The following PTPRD variants were observed in gnomAD, a reference collection of about 807,000 sequenced individuals.
PTPRD encodes receptor-type tyrosine-protein phosphatase delta.
In PTPRD, 34 loss-of-function variants were observed where a neutral mutation model predicts 214.5. The observed-to-expected ratio is 0.16, with a 90% CI of 0.12 to 0.21. PTPRD has a LOEUF of 0.21. Among genes scored for constraint, PTPRD ranks in the 10% least tolerant of loss-of-function variants. The probability of loss-of-function intolerance (pLI) is 1.00; values close to 1 mark genes in which losing one functional copy is unlikely to be tolerated. For missense variants in PTPRD, 2,545 were observed against 2,398.7 expected (o/e 1.06, Z -1.27); for synonymous variants, 1,128 against 845.7 (o/e 1.33, Z -5.79).
chr9:10,153,815 T>C (rs1260141189), intron 3 of PTPRD, among the ~76,000 whole-genome samples: 1 of 152,120 alleles, frequency 6.6e-6, no homozygotes, highest in Non-Finnish European at 1.5e-5. Flanking sequence ...TGACATGATC[T>C]TGTTCTTTTT....
At chr9:10,088,110 A>G (rs183403417) in intron 3 of PTPRD, among the ~76,000 whole-genome samples, 1 of 151,908 alleles carries the variant, frequency 6.6e-6, no homozygotes, top group Admixed American at 6.6e-5. Flanking sequence ...TTTATTGTCT[A>G]GTTTGTAGTA....
intron 7 of PTPRD, among the ~76,000 whole-genome samples, chr9:9,593,354 T>A (rs1159796491): frequency 2.0e-5 from 3 of 151,774 alleles, no homozygotes; most frequent in Non-Finnish European, 2.9e-5. Context: ...AATACAAATA[T>A]TTGTATGTAC....
At chr9:8,928,436 C>G (rs2154278083) in intron 11 of PTPRD, among the ~76,000 whole-genome samples, 1 of 152,226 alleles carries the variant, frequency 6.6e-6, no homozygotes, top group Admixed American at 6.5e-5. Flanking sequence ...GCCAGTTTTC[C>G]CAACACCATT....
At chr9:9,541,944 G>C (rs1004106006) in intron 8 of PTPRD, among the ~76,000 whole-genome samples, 15 of 151,700 alleles carry the variant, frequency 9.9e-5, no homozygotes, top group African/African-American at 3.4e-4. Context: ...AGAGAAAGAA[G>C]TTAGCAGAAT....
chr9:8,816,096 A>T (rs2096913430), intron 11 of PTPRD, among the ~76,000 whole-genome samples: 1 of 152,192 alleles, frequency 6.6e-6, no homozygotes, highest in South Asian at 2.1e-4. Context: ...ACCCCTGCTG[A>T]TCTGTTTACT....
At chr9:9,359,636 G>A (rs981733214) in intron 9 of PTPRD, among the ~76,000 whole-genome samples, 5 of 151,222 alleles carry the variant, frequency 3.3e-5, no homozygotes, top group African/African-American at 1.2e-4. Context: ...ATGAAATCCT[G>A]AGCCCTGTCT....
intron 2 of PTPRD, among the ~76,000 whole-genome samples, chr9:10,466,623 C>CAAAAAAAAAAAAAAA (rs66705572): frequency 1.3e-5 from 1 of 76,874 alleles, no homozygotes; most frequent in African/African-American, 5.8e-5. Flanking sequence ...AACTCCAACT[C>CAAAAAAAAAAAAAAA]AAAAAAAAAA....
rs897155869 is a variant in PTPRD, at chr9:9,662,463, A to G, written c.-287+72070T>C. Among the ~76,000 whole-genome samples, 3 of 151,692 alleles carry G rather than the reference A, an allele frequency of 2.0e-5. 1 individual carries two copies. Among genetic ancestry groups the G allele is most frequent in the Admixed American group, 2.0e-4 (3 of 15,200 alleles). On this transcript the variant is annotated intron_variant, in intron 7 of 45. Transcript: ENST00000381196. ...ACATTTGTGCCATAAATAAGCAATA[A>G]TGTATAGAGAAAACCATCAGCAAGG...
intron 3 of PTPRD, among the ~76,000 whole-genome samples, chr9:10,174,148 G>C (rs1295477005): frequency 2.0e-5 from 3 of 152,212 alleles, no homozygotes; most frequent in African/African-American, 4.8e-5. Context: ...TTGAATTTTT[G>C]GTTATTGCTA....
At chr9:8,666,427 A>G (rs2097171857) in intron 12 of PTPRD, among the ~76,000 whole-genome samples, 1 of 152,232 alleles carries the variant, frequency 6.6e-6, no homozygotes, top group Non-Finnish European at 1.5e-5. Context: ...GAAAGGGAAA[A>G]AAAGAGAAGA....
chr9:9,686,365 C>T (rs1423804663), intron 7 of PTPRD, among the ~76,000 whole-genome samples: 3 of 151,276 alleles, frequency 2.0e-5, no homozygotes, highest in East Asian at 3.9e-4. Flanking sequence ...TTCAATTACG[C>T]ACTTCAACAA....
chr9:10,534,151 T>C (rs1040916642), intron 2 of PTPRD, among the ~76,000 whole-genome samples: 2 of 151,952 alleles, frequency 1.3e-5, no homozygotes, highest in Non-Finnish European at 2.9e-5. Flanking sequence ...AAGGATTATA[T>C]CAGCATTGTA....
At chr9:10,170,321 A>G (rs969274207) in intron 3 of PTPRD, among the ~76,000 whole-genome samples, 5 of 152,166 alleles carry the variant, frequency 3.3e-5, no homozygotes, top group Admixed American at 3.3e-4. Context: ...TATTTTACTG[A>G]GAAAGCTTTT....
chr9:10,043,957 T>G (rs985190538), intron 3 of PTPRD, among the ~76,000 whole-genome samples: 3 of 151,928 alleles, frequency 2.0e-5, no homozygotes, highest in Admixed American at 6.6e-5. Context: ...TGGCTATTTT[T>G]TATTATTTGT....
chr9:10,166,733 G>C (rs1051314730), intron 3 of PTPRD, among the ~76,000 whole-genome samples: 64 of 152,124 alleles, frequency 4.2e-4, no homozygotes, highest in African/African-American at 1.5e-3. Context: ...TTTCAAGAAA[G>C]TCAGGATACT....
At chr9:9,600,819 G>A (rs1338742873) in intron 7 of PTPRD, among the ~76,000 whole-genome samples, 1 of 152,020 alleles carries the variant, frequency 6.6e-6, no homozygotes, top group East Asian at 1.9e-4. Flanking sequence ...AATGTTACTG[G>A]TCTGGCTTCT....
At chr9:9,580,401 T>A (rs1283357297) in intron 7 of PTPRD, among the ~76,000 whole-genome samples, 1 of 152,092 alleles carries the variant, frequency 6.6e-6, no homozygotes, top group African/African-American at 2.4e-5. Context: ...GCCATTCTGA[T>A]TGATGTAAGA....
chr9:8,366,321 G>A (rs2079868231), intron 39 of PTPRD, among the ~76,000 whole-genome samples: 1 of 151,932 alleles, frequency 6.6e-6, no homozygotes, highest in Admixed American at 6.6e-5. Context: ...CACTCAGCAA[G>A]CACCACTGTG....
intron 7 of PTPRD, among the ~76,000 whole-genome samples, chr9:9,721,421 A>G (rs927310260): frequency 6.6e-6 from 1 of 152,184 alleles, no homozygotes; most frequent in African/African-American, 2.4e-5. Flanking sequence ...GAAATAATTT[A>G]TAAGAATATG....
Sources: gnomAD v4.1 joint callset for allele counts (sites outside exome capture counted in the v4.1 genomes callset) on GRCh38, gnomAD v4.1.1 for gene constraint, MANE v1.5 for transcripts, NCBI Gene and HGNC (gene_info 2026-07-23, HGNC 2026-07-21) for gene names.